The following CTNNA2 variants were observed in gnomAD, a reference collection of about 807,000 sequenced individuals.
The protein encoded by CTNNA2 is catenin alpha-2.
A neutral mutation model predicts 101.0 loss-of-function variants in CTNNA2; 42 were observed. The ratio of observed to expected loss-of-function variants is 0.42; its 90% confidence interval spans 0.32 to 0.54. The LOEUF (loss-of-function observed/expected upper bound fraction) is 0.54, where lower values mean the gene tolerates loss of function less well. Among genes scored for constraint, CTNNA2 ranks in the 20% least tolerant of loss-of-function variants. CTNNA2 has a pLI of 0.14. For synonymous variants in CTNNA2, 450 were observed against 456.4 expected, an observed-to-expected ratio of 0.99 and a Z score of 0.18; for missense variants, 871 against 1,223.1, an observed-to-expected ratio of 0.71 and a Z score of 4.29.
chr2:80,231,648 C>T (rs1044533741), intron 7 of CTNNA2, among the ~76,000 whole-genome samples: 2 of 152,098 alleles, frequency 1.3e-5, no homozygotes, highest in African/African-American at 4.8e-5. Flanking sequence ...AAAAGAGAGA[C>T]CTTAAGAATG....
chr2:79,459,503 G>T (rs1670856346), intron 4 of CTNNA2, among the ~76,000 whole-genome samples: 1 of 151,936 alleles, frequency 6.6e-6, no homozygotes, highest in African/African-American at 2.4e-5. Context: ...AATCAACTTG[G>T]ATAAAGAATA....
chr2:80,419,647 A>C (rs1680337948), intron 9 of CTNNA2, 46 bp downstream of exon 9: 2 of 1,583,420 alleles, frequency 1.3e-6, no homozygotes, highest in East Asian at 2.2e-5. Context: ...GATGGGTTCA[A>C]TCTCTGCATA....
chr2:79,659,504 A>G (rs188080747), intron 2 of CTNNA2, among the ~76,000 whole-genome samples: 41 of 152,280 alleles, frequency 2.7e-4, no homozygotes, highest in Non-Finnish European at 5.0e-4. Context: ...AAGGTAAAGG[A>G]TGTGCTAAAA....
chr2:79,550,361 A>G (rs1453502048), intron 1 of CTNNA2, among the ~76,000 whole-genome samples: 2 of 152,150 alleles, frequency 1.3e-5, no homozygotes, highest in African/African-American at 2.4e-5. Context: ...GGCAAGGCAC[A>G]TTTCTGCAGT....
At chr2:79,675,451 A>G (rs2104608017) in intron 2 of CTNNA2, among the ~76,000 whole-genome samples, 1 of 151,994 alleles carries the variant, frequency 6.6e-6, no homozygotes, top group Admixed American at 6.5e-5. Context: ...GCTGGACATG[A>G]CTCAGAAACA....
At chr2:79,803,903 A>C (rs950849230) in intron 3 of CTNNA2, among the ~76,000 whole-genome samples, 1 of 152,222 alleles carries the variant, frequency 6.6e-6, no homozygotes, top group Non-Finnish European at 1.5e-5. Flanking sequence ...GGAATATTTT[A>C]TAGGGTAGGA....
At chr2:79,844,178 T>C (rs1680032057) in intron 3 of CTNNA2, among the ~76,000 whole-genome samples, 1 of 152,192 alleles carries the variant, frequency 6.6e-6, no homozygotes, top group Non-Finnish European at 1.5e-5. Context: ...TCCCTTTTCT[T>C]GGAAGCAGCC....
intron 7 of CTNNA2, among the ~76,000 whole-genome samples, chr2:79,921,162 G>T (rs1686626132): frequency 6.6e-6 from 1 of 152,184 alleles, no homozygotes; most frequent in South Asian, 2.1e-4. Context: ...ACAGTCTCCT[G>T]CTGAGGGGGT....
At chr2:79,660,832 AGGAAAAAAG>A (rs1681986543) in intron 2 of CTNNA2, among the ~76,000 whole-genome samples, 1 of 152,208 alleles carries the variant, frequency 6.6e-6, no homozygotes, top group African/African-American at 2.4e-5. Flanking sequence ...TTTTAAAATA[AGGAAAAAAG>A]GGAAAAAAGC....
At chr2:80,095,639 T>C (rs1165929576) in intron 7 of CTNNA2, among the ~76,000 whole-genome samples, 3 of 152,096 alleles carry the variant, frequency 2.0e-5, no homozygotes, top group East Asian at 1.9e-4. Flanking sequence ...GTCCTGGACT[T>C]TTTTTGGTTG....
intron 7 of CTNNA2, among the ~76,000 whole-genome samples, chr2:80,160,416 C>T (rs1704240360): frequency 6.6e-6 from 1 of 152,150 alleles, no homozygotes; most frequent in African/African-American, 2.4e-5. Flanking sequence ...TACCTTGAAT[C>T]TTCCAACCAA....
intron 2 of CTNNA2, among the ~76,000 whole-genome samples, chr2:79,665,653 G>A (rs187159763): frequency 1.3e-5 from 2 of 152,184 alleles, no homozygotes; most frequent in African/African-American, 4.8e-5. Flanking sequence ...AAACATTAAT[G>A]GGCTTAGCAG....
At chr2:79,190,174 A>T (rs1050413990) in intron 1 of CTNNA2, among the ~76,000 whole-genome samples, 1 of 152,042 alleles carries the variant, frequency 6.6e-6, no homozygotes, top group Non-Finnish European at 1.5e-5. Context: ...TTTGATTGGG[A>T]TGTTCCAAAT....
Position 80,303,503 on chromosome 2 carries a change from C to T in CTNNA2, c.1057-89708C>T. ...TCGGCGCAGTTTCTGAAAGGCGTCC[C>T]CCTGCACGGAGCAGATGTGATTGTG... On this transcript the variant is annotated intron_variant, in intron 7 of 18. Coordinates refer to ENST00000402739, the MANE Select transcript of CTNNA2 (RefSeq NM_001282597.3). The surrounding 1 kb of genome is among the most constrained non-coding windows in gnomAD (Gnocchi z 7.7). 1.2e-6 allele frequency: 2 copies of T among 1,614,178 alleles called. No homozygotes were observed. Among genetic ancestry groups the T allele is most frequent in the Non-Finnish European group, 1.7e-6 (2 of 1,180,042 alleles).
Position 80,599,015 on chromosome 2 carries a change from G to A in CTNNA2, c.2190-5059G>A, listed in dbSNP as rs552351038. Among the ~76,000 whole-genome samples the A allele has an allele frequency of 6.6e-5, 10 of 152,026 alleles. 1 individual carries two copies. Among genetic ancestry groups the A allele is most frequent in the South Asian group, 6.3e-4 (3 of 4,798 alleles). ...ATGAATATTCCCTATGGATTTTACC[G>A]GTATCAATTTCCTGGTTTTGCTATT... On this transcript the variant is annotated intron_variant, in intron 15 of 18. Coordinates refer to ENST00000402739, the MANE Select transcript of CTNNA2 (RefSeq NM_001282597.3).
chr2:80,311,949 G>A (rs1677630435), intron 7 of CTNNA2, among the ~76,000 whole-genome samples: 1 of 152,192 alleles, frequency 6.6e-6, no homozygotes, highest in South Asian at 2.1e-4. Flanking sequence ...ATAGAAGAAT[G>A]CTGGTGCAGG....
At chr2:80,368,727 G>C (rs1675161730) in intron 7 of CTNNA2, among the ~76,000 whole-genome samples, 1 of 148,994 alleles carries the variant, frequency 6.7e-6, no homozygotes, top group South Asian at 2.1e-4. Flanking sequence ...ATCTCTAACT[G>C]TTTTTAGCAG....
chr2:79,741,881 G>A (rs1055503646), intron 2 of CTNNA2, among the ~76,000 whole-genome samples: 1 of 152,030 alleles, frequency 6.6e-6, no homozygotes, highest in Admixed American at 6.6e-5. Context: ...ACACTGAATA[G>A]CAGTGAAAAG....
At chr2:79,499,200 A>G (rs1031819490) in intron 4 of CTNNA2, 3 of 152,196 alleles carry the variant, frequency 2.0e-5, no homozygotes, top group Non-Finnish European at 4.4e-5. Flanking sequence ...ATTCAGCACC[A>G]TACACTTGCC....
Sources: allele counts gnomAD v4.1 joint callset (sites outside exome capture counted in the v4.1 genomes callset), GRCh38; gene constraint gnomAD v4.1.1; non-coding constraint Gnocchi (gnomAD v3.1); transcripts MANE v1.5; gene names NCBI Gene and HGNC (gene_info 2026-07-23, HGNC 2026-07-21).